Variants in ADCY5 observed in about 807,000 individuals in gnomAD.
ADCY5 encodes the protein adenylate cyclase 5, also known as adenylate cyclase type 5.
A neutral mutation model predicts 119.7 loss-of-function variants in ADCY5; 30 were observed. The ratio of observed to expected loss-of-function variants is 0.25; its 90% CI spans 0.19 to 0.34. ADCY5 has a LOEUF of 0.34. Ranked by LOEUF, ADCY5 falls within the 10% of genes least tolerant of loss-of-function variation. The pLI, the probability that ADCY5 is intolerant of heterozygous loss-of-function variation, is 1.00. For synonymous variants in ADCY5, 753 were observed against 762.2 expected (o/e 0.99, Z 0.20); for missense variants, 1,324 against 1,775.2 (o/e 0.75, Z 4.57).
rs1472636727 is a variant in ADCY5, at chr3:123,282,917, G to GT, written c.*1690_*1691insA. Reference sequence around the variant, plus strand: ...ATTCTAACCTGAGAAGCAATGGAAAGATTTGGGCATGGGCCCTAAGGATTC... The same window carrying GT: ...ATTCTAACCTGAGAAGCAATGGAAAGTATTTGGGCATGGGCCCTAAGGATTC... On this transcript the variant is annotated 3_prime_UTR_variant, in exon 21 of 21. Transcript: ENST00000462833. 6.6e-6 allele frequency: 1 copy of GT among 152,246 alleles called. No homozygotes were observed. Among genetic ancestry groups the GT allele is most frequent in the East Asian group, 1.9e-4 (1 of 5,198 alleles). 9.4% of individuals were successfully genotyped at this position (152,246 alleles called of 1,614,324 possible). A position where few individuals can be genotyped will look rare whatever the true frequency, so the allele number is the denominator to read the frequency against.
At chr3:123,296,759 A>G (rs1679091210) in intron 16 of ADCY5, among the ~76,000 whole-genome samples, 1 of 152,240 alleles carries the variant, frequency 6.6e-6, no homozygotes, top group African/African-American at 2.4e-5. Flanking sequence ...ACAGCATCTG[A>G]CCAACAGTAG....
intron 1 of ADCY5, among the ~76,000 whole-genome samples, chr3:123,387,465 A>C (rs1443155546): frequency 6.6e-6 from 1 of 152,180 alleles, no homozygotes; most frequent in Non-Finnish European, 1.5e-5. Flanking sequence ...ATTGCCCAGG[A>C]TTTTATCAGC....
At chr3:123,294,099 C>T (rs890430940) in intron 17 of ADCY5, among the ~76,000 whole-genome samples, 4 of 152,120 alleles carry the variant, frequency 2.6e-5, no homozygotes, top group East Asian at 1.9e-4. Context: ...GGGTTGCAGA[C>T]GATAACCCAC....
intron 19 of ADCY5, among the ~76,000 whole-genome samples, chr3:123,289,344 G>A (rs1448338175): frequency 1.3e-5 from 2 of 152,218 alleles, no homozygotes; most frequent in African/African-American, 2.4e-5. Context: ...AGTATTACTC[G>A]AAACAAATGG....
At chr3:123,438,159 C>T (rs892840206) in intron 1 of ADCY5, among the ~76,000 whole-genome samples, 1 of 152,190 alleles carries the variant, frequency 6.6e-6, no homozygotes, top group Admixed American at 6.5e-5. Context: ...TATCCTAAAG[C>T]GTGTCCTAAC....
In ADCY5 at chr3:123,297,336, G is replaced by T. The variant is rs369003059; in HGVS notation, c.2930+17C>A. The stretch of plus-strand genomic sequence containing the variant: ...CTGAGGGCAGGGAGCGACCCTATCC[G>T]AGGAGCATCAACTCACCACTGGGAG... On this transcript the variant is annotated intron_variant, in intron 16 of 20. Transcript: ENST00000462833. 1.2e-6 allele frequency: 2 copies of T among 1,613,428 alleles called. No individual in the cohort carries two copies. The highest frequency in any genetic ancestry group is 1.7e-6 in the Non-Finnish European group (2 of 1,179,596).
chr3:123,325,373 G>A lies in ADCY5; in HGVS notation c.2037C>T (p.Pro679=), dbSNP rs751308069. 1.2e-6 allele frequency: 2 copies of A among 1,614,148 alleles called. No homozygotes were observed. The highest frequency in any genetic ancestry group is 1.1e-5 in the South Asian group (1 of 91,076). ...GGTTGCCACCCAGGTGGTTGTAGAA[G>A]GGGCGCTCAGCCCCCCAGTGTGGTG... ...HNPPHWGAER[P]FYNHLGGNQV... The change falls in exon 8 of 21, where the codon CCC becomes CCT. Residue 679 remains proline (P), a synonymous_variant. Transcript: ENST00000462833.
chr3:123,441,406 C>T (rs1945718740), intron 1 of ADCY5, among the ~76,000 whole-genome samples: 1 of 152,156 alleles, frequency 6.6e-6, no homozygotes, highest in Non-Finnish European at 1.5e-5. Context: ...GGTGGCCATC[C>T]AGTCTCCACT....
At chr3:123,413,917 T>A (rs12486065) in intron 1 of ADCY5, among the ~76,000 whole-genome samples, 3,176 of 152,238 alleles carry the variant, frequency 0.021, 173 homozygotes, top group East Asian at 0.19. Flanking sequence ...CCAGCCCAGC[T>A]GCGAACTGTG....
At chr3:123,354,323 C>G (rs1038665022) in intron 1 of ADCY5, among the ~76,000 whole-genome samples, 1 of 152,146 alleles carries the variant, frequency 6.6e-6, no homozygotes, top group Admixed American at 6.5e-5. Context: ...GAATGGGAGA[C>G]GGGTCCAGAT....
At chr3:123,424,974 C>G (rs1945375074) in intron 1 of ADCY5, among the ~76,000 whole-genome samples, 1 of 152,254 alleles carries the variant, frequency 6.6e-6, no homozygotes, top group African/African-American at 2.4e-5. Flanking sequence ...TCGAGACTGA[C>G]TCCTTCAGCC....
chr3:123,290,525 A>G (rs943820292), intron 18 of ADCY5, among the ~76,000 whole-genome samples: 1 of 152,210 alleles, frequency 6.6e-6, no homozygotes, highest in Non-Finnish European at 1.5e-5. Context: ...TCCCAGGGTC[A>G]AGACTGCCCT....
intron 1 of ADCY5, among the ~76,000 whole-genome samples, chr3:123,371,355 T>C (rs1224455387): frequency 6.6e-6 from 1 of 152,224 alleles, no homozygotes; most frequent in Non-Finnish European, 1.5e-5. Flanking sequence ...AAGGTGATAA[T>C]ATAAAATGTC....
chr3:123,317,950 A>G (rs1383977828), intron 11 of ADCY5, 70 bp downstream of exon 11: 3 of 1,420,020 alleles, frequency 2.1e-6, no homozygotes, highest in Non-Finnish European at 3.0e-6. Context: ...CTCCTAAATG[A>G]CCACCCCCTC....
intron 1 of ADCY5, among the ~76,000 whole-genome samples, chr3:123,364,281 G>C (rs1402236985): frequency 1.3e-5 from 2 of 152,152 alleles, no homozygotes; most frequent in Non-Finnish European, 2.9e-5. Context: ...GCTGGCTGAA[G>C]AATCTTCTCT....
intron 1 of ADCY5, among the ~76,000 whole-genome samples, chr3:123,353,981 T>A (rs962740435): frequency 6.6e-6 from 1 of 152,168 alleles, no homozygotes; most frequent in African/African-American, 2.4e-5. Context: ...GCTCCCCATG[T>A]GTCTCCTGGA....
At chr3:123,446,263 G>A (rs1945810653) in intron 1 of ADCY5, among the ~76,000 whole-genome samples, 1 of 152,196 alleles carries the variant, frequency 6.6e-6, no homozygotes, top group South Asian at 2.1e-4. Flanking sequence ...TACTCAAGAG[G>A]ATAAAAGTCT....
At chr3:123,424,405 G>A (rs1945359749) in intron 1 of ADCY5, among the ~76,000 whole-genome samples, 1 of 152,180 alleles carries the variant, frequency 6.6e-6, no homozygotes, top group African/African-American at 2.4e-5. Flanking sequence ...CAGACCTTGG[G>A]GCCTCCCCAG....
chr3:123,404,265 A>G (rs1944844944), intron 1 of ADCY5: 1 of 152,240 alleles, frequency 6.6e-6, no homozygotes, highest in South Asian at 2.1e-4. Flanking sequence ...AAGCACCCCG[A>G]GTGCTGAGAA....
Sources: gnomAD v4.1 joint callset for allele counts (sites outside exome capture counted in the v4.1 genomes callset) on GRCh38, gnomAD v4.1.1 for gene constraint, MANE v1.5 for transcripts, NCBI Gene and HGNC (gene_info 2026-07-23, HGNC 2026-07-21) for gene names.